The following SLC17A5 variants were observed in gnomAD, a reference collection of about 807,000 sequenced individuals.
The protein encoded by SLC17A5 is sialin.
A neutral mutation model predicts 59.4 loss-of-function variants in SLC17A5; 47 were observed. That is an observed-to-expected ratio of 0.79 (90% CI 0.63 to 1.01). SLC17A5 has a LOEUF of 1.01. Ranked by LOEUF, SLC17A5 falls within the 50% of genes least tolerant of loss-of-function variation. SLC17A5 has a pLI of 0.00. For synonymous variants in SLC17A5, 202 were observed against 210.7 expected, an observed-to-expected ratio of 0.96 and a Z score of 0.36; for missense variants, 522 against 595.5, an observed-to-expected ratio of 0.88 and a Z score of 1.28.
In SLC17A5 at chr6:73,615,302, T is replaced by C. The variant is rs750683225; in HGVS notation, c.1111+13A>G. ...AACTGTAAACCAAAACAAAACCTGATTGCTTCACTTACCTATAAGGCTAAA... is the reference window on the plus strand; with the variant it reads ...AACTGTAAACCAAAACAAAACCTGACTGCTTCACTTACCTATAAGGCTAAA... On this transcript the variant is annotated intron_variant, in intron 8 of 10. Coordinates refer to ENST00000355773, the MANE Select transcript of SLC17A5 (RefSeq NM_012434.5). 1 of 1,613,864 alleles carries C rather than the reference T, an allele frequency of 6.2e-7. No individual in the cohort carries two copies. Among genetic ancestry groups the C allele is most frequent in the East Asian group, 2.2e-5 (1 of 44,866 alleles).
intron 8 of SLC17A5, among the ~76,000 whole-genome samples, chr6:73,612,956 G>A (rs1302993485): frequency 2.0e-5 from 3 of 152,042 alleles, no homozygotes; most frequent in African/African-American, 4.8e-5. Flanking sequence ...AGGAGACTGA[G>A]GTGGGAGAAT....
At chr6:73,630,900 G>A in intron 6 of SLC17A5, among the ~76,000 whole-genome samples, 1 of 151,772 alleles carries the variant, frequency 6.6e-6, no homozygotes, top group South Asian at 2.1e-4. Context: ...TACAAAATTA[G>A]CTGGGTGTGG....
At chr6:73,599,391 T>C (rs1766956444) in intron 10 of SLC17A5, among the ~76,000 whole-genome samples, 1 of 152,030 alleles carries the variant, frequency 6.6e-6, no homozygotes, top group Non-Finnish European at 1.5e-5. Flanking sequence ...GATATCCTTT[T>C]AATAGCATTA....
At position 73,610,547 on chromosome 6, in the gene SLC17A5, C is replaced by G. The variant is rs770080835; in HGVS notation, c.1112G>C (p.Gly371Ala). ...CAGGAATACTGCAGGTCCAATCATT[C>G]CTGGAGTTAAAAAGTTATAAAAGGG... ...LCVRRIFSLI[G>A]MIGPAVFLVA... The change falls in exon 9 of 11, where the codon GGA (glycine) becomes GCA (alanine). Residue 371 changes from glycine (G) to alanine (A), a missense_variant and splice_region_variant. Physicochemically the swap from Gly to Ala is moderately conservative, Grantham distance 60. Coordinates refer to ENST00000355773, the MANE Select transcript of SLC17A5 (RefSeq NM_012434.5). The G allele has an allele frequency of 2.5e-6, 4 of 1,613,818 alleles. No individual in the cohort carries two copies. The South Asian group carries it at 4.4e-5, about 18-fold the overall frequency.
At position 73,613,371 on chromosome 6, in the gene SLC17A5, A is replaced by T. The variant is rs1001550181; in HGVS notation, c.1111+1944T>A. Among the ~76,000 whole-genome samples, 190 of 149,326 alleles carry T rather than the reference A, an allele frequency of 1.3e-3. 1 individual carries two copies. The highest frequency in any genetic ancestry group is 4.5e-3 in the African/African-American group (185 of 40,890). ...CATGGTGGAGATAAATCTTTTATAA[A>T]TTTTTTTTTTTTGAGACAGGATCTC... On this transcript the variant is annotated intron_variant, in intron 8 of 10. Transcript: ENST00000355773.
rs1193733010 is a variant in SLC17A5, at chr6:73,595,199, A to G, written c.1366T>C (p.Trp456Arg). Residue 456 changes from tryptophan (W) to arginine (R), a missense_variant, in exon 11 of 11, where the codon TGG (tryptophan) becomes CGG (arginine). By Grantham distance (101) the Trp-to-Arg change is moderately radical. Transcript: ENST00000355773. Reference sequence around the variant, plus strand: ...GCAGCAATATAGAACACGGTTTGCCATTCTCCAACAGTGTTCTATAAAGGA... The same window carrying G: ...GCAGCAATATAGAACACGGTTTGCCGTTCTCCAACAGTGTTCTATAAAGGA... ...SLTPDNTVGEWQTVFYIAAAI... is the reference protein window; with the variant it reads ...SLTPDNTVGERQTVFYIAAAI... 2 of 1,614,046 alleles carry G rather than the reference A, an allele frequency of 1.2e-6. No individual in the cohort carries two copies. Among genetic ancestry groups the G allele is most frequent in the East Asian group, 2.2e-5 (1 of 44,884 alleles).
At chr6:73,636,838 T>C (rs1051607792) in intron 4 of SLC17A5, 131 bp from the exon 5 acceptor site, 2 of 722,024 alleles carry the variant, frequency 2.8e-6, no homozygotes, top group Non-Finnish European at 2.5e-6. Flanking sequence ...CCCTGCACTT[T>C]GGGAGGCTGA....
At chr6:73,651,691 C>T (rs1394763289) in intron 1 of SLC17A5, among the ~76,000 whole-genome samples, 6 of 151,512 alleles carry the variant, frequency 4.0e-5, no homozygotes, top group Non-Finnish European at 8.8e-5. Flanking sequence ...TACAGGCACC[C>T]GCCACCACAC....
chr6:73,605,170 G>T (rs752424501), intron 9 of SLC17A5, among the ~76,000 whole-genome samples: 2 of 151,974 alleles, frequency 1.3e-5, no homozygotes, highest in Non-Finnish European at 2.9e-5. Context: ...TATAGATGAA[G>T]AAAAACCATA....
At chr6:73,639,941 G>C (rs1186802601) in intron 3 of SLC17A5, among the ~76,000 whole-genome samples, 1 of 152,196 alleles carries the variant, frequency 6.6e-6, no homozygotes, top group Admixed American at 6.5e-5. Flanking sequence ...ACCTACTTGG[G>C]AGGCTGAGGA....
intron 6 of SLC17A5, among the ~76,000 whole-genome samples, chr6:73,625,655 T>C (rs916450910): frequency 1.4e-5 from 2 of 146,300 alleles, no homozygotes; most frequent in African/African-American, 5.4e-5. Context: ...CAAAAACAAG[T>C]AAGGCAAAAA....
intron 10 of SLC17A5, among the ~76,000 whole-genome samples, chr6:73,599,819 A>G (rs1462075432): frequency 6.9e-6 from 1 of 144,784 alleles, no homozygotes; most frequent in Admixed American, 6.9e-5. Context: ...TTTTTTTTTG[A>G]GACGGAGTCT....
chr6:73,650,889 C>A (rs1009610516), intron 1 of SLC17A5, among the ~76,000 whole-genome samples: 9 of 152,216 alleles, frequency 5.9e-5, no homozygotes, highest in African/African-American at 1.2e-4. Context: ...CATGCTGACA[C>A]AATTCTACTT....
chr6:73,622,068 A>T, intron 6 of SLC17A5, 106 bp from the exon 7 acceptor site: 1 of 1,086,934 alleles, frequency 9.2e-7, no homozygotes, highest in Non-Finnish European at 1.4e-6. Context: ...ATATCACCTT[A>T]ATTAGTAAAC....
chr6:73,602,092 T>C (rs1490308441), intron 9 of SLC17A5, among the ~76,000 whole-genome samples: 2 of 151,942 alleles, frequency 1.3e-5, no homozygotes. Context: ...TGTTCTGTAC[T>C]AAGATACATT....
rs147199246 is a variant in SLC17A5 at position 73,597,380 on chromosome 6, T to C, written c.1351-2166A>G. On this transcript the variant is annotated intron_variant, in intron 10 of 10. Transcript: ENST00000355773. ...TACTTGGGAGGCTGAGGCAGGAGAA[T>C]GGCGTGAACCCGGGAGGCGGAGTTT... Among the ~76,000 whole-genome samples, 850 of 152,066 alleles carry C rather than the reference T, an allele frequency of 5.6e-3. 2 individuals are homozygous for C. Among genetic ancestry groups the C allele is most frequent in the Non-Finnish European group, 8.9e-3 (606 of 67,998 alleles).
intron 2 of SLC17A5, 121 bp downstream of exon 2, chr6:73,644,286 G>C (rs1199323160): frequency 1.3e-6 from 1 of 773,004 alleles, no homozygotes; most frequent in Non-Finnish European, 2.1e-6. Context: ...CAAAAAGAAA[G>C]TGATTCAGAG....
chr6:73,650,197 C>CAA (rs756204732), intron 1 of SLC17A5, among the ~76,000 whole-genome samples: 756 of 39,024 alleles, frequency 0.019, 12 homozygotes, highest in African/African-American at 0.045. Context: ...CTTTTTTCTA[C>CAA]AAAAAAAAAA....
At chr6:73,611,286 T>C (rs1261566329) in intron 8 of SLC17A5, among the ~76,000 whole-genome samples, 1 of 152,062 alleles carries the variant, frequency 6.6e-6, no homozygotes, top group Non-Finnish European at 1.5e-5. Context: ...TCATTCTCTC[T>C]CTCTTTTTTT....
Sources: gnomAD v4.1 joint callset for allele counts (sites outside exome capture counted in the v4.1 genomes callset) on GRCh38, gnomAD v4.1.1 for gene constraint, MANE v1.5 for transcripts, NCBI Gene and HGNC (gene_info 2026-07-23, HGNC 2026-07-21) for gene names.